The following CPPED1 variants were observed in gnomAD, a reference collection of about 807,000 sequenced individuals.
The protein encoded by CPPED1 is serine/threonine-protein phosphatase CPPED1.
A neutral mutation model predicts 28.0 loss-of-function variants in CPPED1; 28 were observed. That is an observed-to-expected ratio of 1.00 (90% CI 0.74 to 1.37). The LOEUF (loss-of-function observed/expected upper bound fraction) is 1.37. CPPED1 is among the 40% of genes most tolerant of loss of function. The pLI, the probability that CPPED1 is intolerant of heterozygous loss-of-function variation, is 0.00. For synonymous variants in CPPED1, 198 were observed against 180.2 expected (o/e 1.10, Z -0.79); for missense variants, 504 against 416.5 (o/e 1.21, Z -1.83).
rs563416229 is a variant in CPPED1, at chr16:12,757,123, C to T, written c.289+24062G>A. The stretch of plus-strand genomic sequence containing the variant: ...AGGGTGACCAACTAAGTTACAGCAC[C>T]TCGAGGGTGACCAATTAAGTTATAG... On this transcript the variant is annotated intron_variant, in intron 2 of 3. Transcript: ENST00000381774. Among the ~76,000 whole-genome samples the T allele has an allele frequency of 2.1e-4, 32 of 152,076 alleles. 1 individual carries two copies. Among genetic ancestry groups the T allele is most frequent in the Admixed American group, 3.3e-4 (5 of 15,276 alleles).
intron 2 of CPPED1, among the ~76,000 whole-genome samples, chr16:12,717,516 G>C (rs1338951068): frequency 1.3e-5 from 2 of 151,906 alleles, no homozygotes; most frequent in South Asian, 4.1e-4. Flanking sequence ...TGCCTGCTTC[G>C]GCCTCCCAAA....
intron 3 of CPPED1, among the ~76,000 whole-genome samples, chr16:12,701,644 C>A (rs562706697): frequency 1.3e-5 from 2 of 152,100 alleles, no homozygotes; most frequent in Non-Finnish European, 2.9e-5. Context: ...AGAGCTGGGC[C>A]GGACCTGGGG....
chr16:12,735,511 G>T (rs1254512467), intron 2 of CPPED1, among the ~76,000 whole-genome samples: 1 of 152,206 alleles, frequency 6.6e-6, no homozygotes, highest in Non-Finnish European at 1.5e-5. Context: ...CACCATGTTG[G>T]CCAGGCTGGC....
chr16:12,765,264 C>T (rs1567300708), intron 2 of CPPED1, among the ~76,000 whole-genome samples: 2 of 152,252 alleles, frequency 1.3e-5, no homozygotes, highest in Non-Finnish European at 2.9e-5. Flanking sequence ...TCCAGCCCCA[C>T]ACTGCTAACA....
chr16:12,748,096 T>A (rs1490610839), intron 2 of CPPED1, among the ~76,000 whole-genome samples: 1 of 152,174 alleles, frequency 6.6e-6, no homozygotes, highest in Non-Finnish European at 1.5e-5. Context: ...TCTAGCAATA[T>A]CCTGGAATGC....
intron 2 of CPPED1, among the ~76,000 whole-genome samples, chr16:12,771,395 T>C (rs939342411): frequency 6.6e-6 from 1 of 152,256 alleles, no homozygotes; most frequent in Non-Finnish European, 1.5e-5. Flanking sequence ...CTGTGAATCA[T>C]TTAACCAGCA....
chr16:12,754,313 G>C (rs938474862), intron 2 of CPPED1, among the ~76,000 whole-genome samples: 1 of 152,168 alleles, frequency 6.6e-6, no homozygotes, highest in African/African-American at 2.4e-5. Context: ...AGCCCTCTTA[G>C]TTCAAGGCAA....
At chr16:12,765,532 A>G (rs1162167358) in intron 2 of CPPED1, among the ~76,000 whole-genome samples, 1 of 152,242 alleles carries the variant, frequency 6.6e-6, no homozygotes, top group East Asian at 1.9e-4. Flanking sequence ...TAAGAAAGGT[A>G]TATTATCCAA....
chr16:12,745,444 G>A (rs2080280899), intron 2 of CPPED1, among the ~76,000 whole-genome samples: 1 of 152,144 alleles, frequency 6.6e-6, no homozygotes, highest in African/African-American at 2.4e-5. Flanking sequence ...CGACAGATTG[G>A]ATAAAGAAAA....
intron 2 of CPPED1, among the ~76,000 whole-genome samples, chr16:12,750,737 G>A (rs1482311653): frequency 6.6e-6 from 1 of 152,202 alleles, no homozygotes; most frequent in East Asian, 1.9e-4. Context: ...TTGGGAGGCT[G>A]AGGTGGGCGG....
At chr16:12,741,813 G>A (rs1018667212) in intron 2 of CPPED1, among the ~76,000 whole-genome samples, 2 of 152,204 alleles carry the variant, frequency 1.3e-5, no homozygotes, top group African/African-American at 4.8e-5. Flanking sequence ...TTCTTTGGGA[G>A]GCCGAGGCAG....
intron 2 of CPPED1, among the ~76,000 whole-genome samples, chr16:12,743,896 T>C (rs187072590): frequency 6.6e-6 from 1 of 152,056 alleles, no homozygotes; most frequent in East Asian, 1.9e-4. Flanking sequence ...TCTCAGCTAC[T>C]TGGGAGGCTG....
At chr16:12,735,601 G>T (rs1398696459) in intron 2 of CPPED1, among the ~76,000 whole-genome samples, 2 of 152,192 alleles carry the variant, frequency 1.3e-5, no homozygotes, top group East Asian at 3.8e-4. Flanking sequence ...ACCGTGCCTG[G>T]CACCCTAAAG....
intron 3 of CPPED1, among the ~76,000 whole-genome samples, chr16:12,687,471 T>G (rs1332848130): frequency 6.6e-6 from 1 of 152,134 alleles, no homozygotes; most frequent in Non-Finnish European, 1.5e-5. Context: ...GTCAGTGACC[T>G]CAACAAGATT....
At chr16:12,669,204 A>G (rs557646234) in intron 3 of CPPED1, among the ~76,000 whole-genome samples, 3 of 152,328 alleles carry the variant, frequency 2.0e-5, no homozygotes, top group Admixed American at 1.3e-4. Flanking sequence ...TAAAAATATT[A>G]AGCTAAGTGA....
chr16:12,757,031 T>C (rs1187297988), intron 2 of CPPED1, among the ~76,000 whole-genome samples: 4 of 152,212 alleles, frequency 2.6e-5, no homozygotes, highest in Admixed American at 2.0e-4. Context: ...GACCCTATTA[T>C]AGCACCTCGA....
intron 2 of CPPED1, chr16:12,757,490 T>G (rs1385766491): frequency 1.3e-5 from 2 of 151,098 alleles, no homozygotes; most frequent in East Asian, 3.9e-4. Context: ...ATTTTACAGA[T>G]AGAGCCTCAG....
In CPPED1 at chr16:12,660,538, C is replaced by T. The variant is rs1182143914; in HGVS notation, c.*4348G>A. The T allele has an allele frequency of 2.7e-5, 4 of 148,366 alleles. No homozygotes were observed. The highest frequency in any genetic ancestry group is 4.5e-5 in the Non-Finnish European group (3 of 66,874). The allele number at this position is 148,366 out of a possible 1,614,324, so 9.2% of individuals were successfully genotyped here. A position where few individuals can be genotyped will look rare whatever the true frequency, so the allele number is the denominator to read the frequency against. Reference sequence around the variant, plus strand: ...GTGTGTGTGTGTGTGTGTGTGTACTCATTAAAAAATACATAAGAGCTCCTC... The same window carrying T: ...GTGTGTGTGTGTGTGTGTGTGTACTTATTAAAAAATACATAAGAGCTCCTC... On this transcript the variant is annotated 3_prime_UTR_variant, in exon 4 of 4. Coordinates refer to ENST00000381774, the MANE Select transcript of CPPED1 (RefSeq NM_018340.3).
chr16:12,692,838 C>T (rs1483024921), intron 3 of CPPED1, among the ~76,000 whole-genome samples: 1 of 152,156 alleles, frequency 6.6e-6, no homozygotes, highest in Non-Finnish European at 1.5e-5. Context: ...AGAAAGAGCA[C>T]GCAGCATAGG....
Sources: gnomAD v4.1 joint callset for allele counts (sites outside exome capture counted in the v4.1 genomes callset) on GRCh38, gnomAD v4.1.1 for gene constraint, MANE v1.5 for transcripts, NCBI Gene and HGNC (gene_info 2026-07-23, HGNC 2026-07-21) for gene names.